The following SACS variants were observed in gnomAD, a reference collection of about 807,000 sequenced individuals.
SACS encodes the protein sacsin.
A neutral mutation model predicts 348.0 loss-of-function variants in SACS; 197 were observed. The ratio of observed to expected loss-of-function variants is 0.57; its 90% CI spans 0.50 to 0.64. The LOEUF (loss-of-function observed/expected upper bound fraction) is 0.64. Among genes scored for constraint, SACS ranks in the 30% least tolerant of loss-of-function variants. SACS has a pLI of 0.00. For synonymous variants in SACS, 1,985 were observed against 1,910.6 expected (o/e 1.04, Z -1.02); for missense variants, 4,999 against 5,360.8 (o/e 0.93, Z 2.11).
chr13:23,406,287 C>A (rs571341536), intron 2 of SACS, among the ~76,000 whole-genome samples: 1 of 152,064 alleles, frequency 6.6e-6, no homozygotes, highest in Admixed American at 6.6e-5. Flanking sequence ...GAACAGAAAA[C>A]CAAACACCAC....
Position 23,336,712 on chromosome 13 carries a change from G to A in SACS, c.7164C>T (p.Thr2388=), listed in dbSNP as rs918107481. ...YKNNFRELFE[T]VGVRQSCTVE... ...CAGTGCATGACTGCCTCACACCCAC[G>A]GTTTCAAAAAGTTCGCGGAAATTAT... Residue 2388 remains threonine (T), a synonymous_variant, in exon 10 of 10, where the codon ACC becomes ACT. Transcript: ENST00000382292. 2.2e-5 allele frequency: 35 copies of A among 1,613,610 alleles called. No individual in the cohort carries two copies. Among genetic ancestry groups the A allele is most frequent in the East Asian group, 6.7e-5 (3 of 44,880 alleles).
intron 2 of SACS, among the ~76,000 whole-genome samples, chr13:23,405,718 A>G (rs906571708): frequency 6.6e-6 from 1 of 152,208 alleles, no homozygotes; most frequent in African/African-American, 2.4e-5. Flanking sequence ...ACCCCATTAA[A>G]AAGTGGACAA....
In SACS at chr13:23,429,345, A is replaced by ATTTTTTTT. The variant is rs536939164; in HGVS notation, c.-502+4262_-502+4269dup. Among the ~76,000 whole-genome samples, 203 of 51,476 alleles carry ATTTTTTTT rather than the reference A, an allele frequency of 3.9e-3. 38 individuals are homozygous for ATTTTTTTT. The highest frequency in any genetic ancestry group is 5.6e-3 in the Non-Finnish European group (162 of 28,792). 33.8% of individuals were successfully genotyped at this position (51,476 alleles called of 152,430 possible). On this transcript the variant is annotated intron_variant, in intron 1 of 9. Transcript: ENST00000382292. Reference sequence around the variant, plus strand: ...CTGTGATTCAGTCGTTGAGGTAGGGATTTTTTTTTTTTTTTTTTTTTTTTT... The same window carrying ATTTTTTTT: ...CTGTGATTCAGTCGTTGAGGTAGGGATTTTTTTTTTTTTTTTTTTTTTTTTTTTTTTTT...
At chr13:23,376,063 A>G (rs1871784278) in intron 2 of SACS, among the ~76,000 whole-genome samples, 1 of 152,144 alleles carries the variant, frequency 6.6e-6, no homozygotes, top group African/African-American at 2.4e-5. Flanking sequence ...TTTGAGGCAC[A>G]GAAGTAGGAT....
rs754717978 is a variant in SACS at position 23,335,523 on chromosome 13, T to C, written c.8353A>G (p.Ile2785Val). 4 of 1,613,724 alleles carry C rather than the reference T, an allele frequency of 2.5e-6. No homozygotes were observed. The South Asian group carries it at 4.4e-5, about 18-fold the overall frequency. ...LKRKQFHASV[I>V]DSVTKKRQLK... ...TGCCTCTTTTTAGTAACACTATCAATTACAGATGCATGAAATTGTTTCCTT... is the reference window on the plus strand; with the variant it reads ...TGCCTCTTTTTAGTAACACTATCAACTACAGATGCATGAAATTGTTTCCTT... The change falls in exon 10 of 10, where the codon ATT becomes GTT. Residue 2785 changes from isoleucine to valine, a missense_variant. Physicochemically the swap from Ile to Val is conservative, Grantham distance 29. Transcript: ENST00000382292. The surrounding 1 kb of genome is among the most constrained non-coding windows in gnomAD (Gnocchi z 4.7).
Position 23,404,116 on chromosome 13 carries a change from G to A in SACS, c.20+7104C>T, listed in dbSNP as rs190880513. Among the ~76,000 whole-genome samples the A allele has an allele frequency of 1.5e-4, 23 of 152,238 alleles. No homozygotes were observed. The East Asian group carries it at 2.3e-3, about 15-fold the overall frequency. The stretch of plus-strand genomic sequence containing the variant: ...TGCACTGTGGTCTGAAAGACTGTTG[G>A]TTATGATTTGCGTTCTTTTGCATTT... On this transcript the variant is annotated intron_variant, in intron 2 of 9. Transcript: ENST00000382292.
chr13:23,365,733 A>G (rs35232642), intron 5 of SACS, among the ~76,000 whole-genome samples: 2,644 of 152,276 alleles, frequency 0.017, 25 homozygotes, highest in Non-Finnish European at 0.026. Context: ...ATAAAACCAA[A>G]TAGTAGCAAT....
At position 23,330,723 on chromosome 13, in the gene SACS, A is replaced by G; in HGVS notation, c.13153T>C (p.Ser4385Pro). The stretch of plus-strand genomic sequence containing the variant: ...GAGTATTTGTCTGACTGAAATCGGG[A>G]TGCTGAGGTTGAAAATGTTCGTCTG... ...ASRRTFSTSASRFQSDKYSFQ... is the reference protein window; with the variant it reads ...ASRRTFSTSAPRFQSDKYSFQ... The change falls in exon 10 of 10, where the codon TCC becomes CCC. Residue 4385 changes from serine (S) to proline (P), a missense_variant. Around this residue, in one of 6 missense-constraint regions of SACS, gnomAD observed 254 missense variants for 275.1 expected, o/e 0.92. Coordinates refer to ENST00000382292, the MANE Select transcript of SACS (RefSeq NM_014363.6). 4 of 1,613,980 alleles carry G rather than the reference A, an allele frequency of 2.5e-6. No individual in the cohort carries two copies. In the South Asian group the frequency reaches 4.4e-5, roughly 18 times the overall value.
chr13:23,385,882 A>T (rs1029002211), intron 2 of SACS, among the ~76,000 whole-genome samples: 2 of 152,220 alleles, frequency 1.3e-5, no homozygotes, highest in African/African-American at 4.8e-5. Context: ...ATCGCCTTGT[A>T]CTTCTCCATC....
Position 23,430,127 on chromosome 13 carries a change from G to C in SACS, c.-502+3488C>G, listed in dbSNP as rs554836761. On this transcript the variant is annotated intron_variant, in intron 1 of 9. Coordinates refer to ENST00000382292, the MANE Select transcript of SACS (RefSeq NM_014363.6). ...AGAGGCTGAGGCAGGAGAATCACTGGAACCCGGGAAGTGGAGGTTGCAGTG... is the reference window on the plus strand; with the variant it reads ...AGAGGCTGAGGCAGGAGAATCACTGCAACCCGGGAAGTGGAGGTTGCAGTG... Among the ~76,000 whole-genome samples, 4 of 152,082 alleles carry C rather than the reference G, an allele frequency of 2.6e-5. No individual in the cohort carries two copies. In the East Asian group the frequency reaches 7.7e-4, roughly 29 times the overall value.
At chr13:23,352,959 G>T (rs1036174485) in intron 9 of SACS, among the ~76,000 whole-genome samples, 1 of 151,980 alleles carries the variant, frequency 6.6e-6, no homozygotes, top group African/African-American at 2.4e-5. Flanking sequence ...CATTATCCTG[G>T]ACAAGAAAAA....
chr13:23,375,650 C>T (rs2137846031), intron 2 of SACS: 1 of 801,172 alleles, frequency 1.2e-6, no homozygotes, highest in Non-Finnish European at 1.5e-6. Flanking sequence ...CGCCCCGCCC[C>T]TCCCGCCAGG....
At chr13:23,410,377 A>G (rs1873431336) in intron 2 of SACS, among the ~76,000 whole-genome samples, 1 of 152,222 alleles carries the variant, frequency 6.6e-6, no homozygotes, top group Non-Finnish European at 1.5e-5. Context: ...CTAAGAGGCA[A>G]CACTACTGAA....
In SACS at chr13:23,337,155, C is replaced by T; in HGVS notation, c.6721G>A (p.Ala2241Thr). Residue 2241 changes from alanine (A) to threonine (T), a missense_variant, in exon 10 of 10, where the codon GCA becomes ACA. This residue lies in a region of SACS where 3,156 missense variants were observed against 3,380.1 expected (regional missense o/e 0.93). Transcript: ENST00000382292. ...GNSFKPETMFAATDLYTAEHQ... is the reference protein window; with the variant it reads ...GNSFKPETMFTATDLYTAEHQ... The stretch of plus-strand genomic sequence containing the variant: ...TCAGCTGTATAAAGGTCAGTTGCTG[C>T]AAACATGGTTTCAGGCTTAAAACTG... The T allele has an allele frequency of 6.2e-7, 1 of 1,613,976 alleles. No homozygotes were observed.
Position 23,332,506 on chromosome 13 carries a change from C to G in SACS, c.11370G>C (p.Gln3790His), listed in dbSNP as rs1416413791. ...LSAEKREFRF[Q>H]LRGVAFVMVE... ...CCATCACAAAAGCAACCCCTCGCAA[C>G]TGAAAACGAAATTCCCTTTTTTCTG... Residue 3790 changes from glutamine to histidine, a missense_variant, in exon 10 of 10, where the codon CAG (glutamine) becomes CAC (histidine). Coordinates refer to ENST00000382292, the MANE Select transcript of SACS (RefSeq NM_014363.6). The G allele has an allele frequency of 6.2e-7, 1 of 1,613,984 alleles. No homozygotes were observed. Among genetic ancestry groups the G allele is most frequent in the Admixed American group, 1.7e-5 (1 of 60,010 alleles).
At chr13:23,378,563 C>T (rs1444776677) in intron 2 of SACS, among the ~76,000 whole-genome samples, 2 of 152,092 alleles carry the variant, frequency 1.3e-5, no homozygotes, top group Non-Finnish European at 2.9e-5. Flanking sequence ...GTCCCAGCCT[C>T]CCGAGCAGCT....
In SACS at chr13:23,340,139, T is replaced by G; in HGVS notation, c.3737A>C (p.Tyr1246Ser). ...SSKTFSDEDYYQFQHILLEIY... is the reference protein window; with the variant it reads ...SSKTFSDEDYSQFQHILLEIY... ...CTCAAGCAAAATATGCTGGAATTGA[T>G]AGTAGTCTTCATCACTAAAGGTTTT... is the stretch of plus-strand genomic sequence containing the variant. The change falls in exon 10 of 10, where the codon TAT becomes TCT. Residue 1246 changes from tyrosine (Y) to serine (S), a missense_variant. Tyr to Ser is a moderately radical substitution (Grantham distance 144). This residue lies in a region of SACS where 3,156 missense variants were observed against 3,380.1 expected (regional missense o/e 0.93). Coordinates refer to ENST00000382292, the MANE Select transcript of SACS (RefSeq NM_014363.6). 6.2e-7 allele frequency: 1 copy of G among 1,613,754 alleles called. No homozygotes were observed. The highest frequency in any genetic ancestry group is 8.5e-7 in the Non-Finnish European group (1 of 1,179,838).
In SACS at chr13:23,335,329, T is replaced by C. The variant is rs1247315319; in HGVS notation, c.8547A>G (p.Pro2849=). Residue 2849 remains proline (P), a synonymous_variant, in exon 10 of 10, where the codon CCA becomes CCG. Coordinates refer to ENST00000382292, the MANE Select transcript of SACS (RefSeq NM_014363.6). The surrounding 1 kb of genome is among the most constrained non-coding windows in gnomAD (Gnocchi z 4.7). ...AHKNQDITLF[P]RGGVAACITH... is the part of the protein sequence containing the mutation. ...TAATGCAGGCAGCTACTCCACCACGTGGGAAAAGAGTAATATCTTGGTTCT... is the reference window on the plus strand; with the variant it reads ...TAATGCAGGCAGCTACTCCACCACGCGGGAAAAGAGTAATATCTTGGTTCT... 6.2e-7 allele frequency: 1 copy of C among 1,613,954 alleles called. No homozygotes were observed. The highest frequency in any genetic ancestry group is 8.5e-7 in the Non-Finnish European group (1 of 1,179,896).
rs1404543597 is a variant in SACS at position 23,339,126 on chromosome 13, T to C, written c.4750A>G (p.Asn1584Asp). 3 of 1,611,042 alleles carry C rather than the reference T, an allele frequency of 1.9e-6. No individual in the cohort carries two copies. Among genetic ancestry groups the C allele is most frequent in the Non-Finnish European group, 2.5e-6 (3 of 1,178,152 alleles). Residue 1584 changes from asparagine to aspartate, a missense_variant, in exon 10 of 10, where the codon AAC (asparagine) becomes GAC (aspartate). Coordinates refer to ENST00000382292, the MANE Select transcript of SACS (RefSeq NM_014363.6). ...SREFMIMFDP[N>D]INHISKHIKD... ...ATGTGTTTACTGATATGATTTATGT[T>C]TGGATCGAACATTATCATGAATTCC... is the stretch of plus-strand genomic sequence containing the variant.
Sources: allele counts gnomAD v4.1 joint callset (sites outside exome capture counted in the v4.1 genomes callset), GRCh38; gene constraint gnomAD v4.1.1; regional missense constraint gnomAD v4.1.1; non-coding constraint Gnocchi (gnomAD v3.1); transcripts MANE v1.5; gene names NCBI Gene and HGNC (gene_info 2026-07-23, HGNC 2026-07-21).